Variants in ATP8B4 observed in about 807,000 individuals in gnomAD.
ATP8B4 encodes probable phospholipid-transporting ATPase IM.
A neutral mutation model predicts 145.6 loss-of-function variants in ATP8B4; 133 were observed. The observed-to-expected ratio is 0.91, with a 90% CI of 0.79 to 1.05. The LOEUF is 1.05. Among genes scored for constraint, ATP8B4 ranks in the 50% least tolerant of loss-of-function variants. The pLI is 0.00. For synonymous variants in ATP8B4, 507 were observed against 492.9 expected (o/e 1.03, Z -0.38); for missense variants, 1,458 against 1,425.2 (o/e 1.02, Z -0.37).
intron 3 of ATP8B4, among the ~76,000 whole-genome samples, chr15:50,073,320 G>C (rs2053973165): frequency 1.3e-5 from 2 of 152,074 alleles, no homozygotes; most frequent in Middle Eastern, 3.4e-3. Flanking sequence ...CCACTTAAGA[G>C]TGACAACATG....
chr15:50,002,742 T>C (rs1439594205), intron 7 of ATP8B4, among the ~76,000 whole-genome samples: 1 of 151,510 alleles, frequency 6.6e-6, no homozygotes, highest in African/African-American at 2.4e-5. Context: ...AAGTAAAAGA[T>C]GGTAGGGAGT....
At chr15:50,042,218 G>A (rs1045971260) in intron 5 of ATP8B4, among the ~76,000 whole-genome samples, 1 of 151,584 alleles carries the variant, frequency 6.6e-6, no homozygotes, top group African/African-American at 2.4e-5. Context: ...CATGAAATAG[G>A]CTAGAAATTT....
chr15:50,094,764 CCTGA>C (rs1567350223), intron 2 of ATP8B4, among the ~76,000 whole-genome samples: 1 of 147,858 alleles, frequency 6.8e-6, no homozygotes, highest in Admixed American at 6.7e-5. Context: ...ACTAGAGAAT[CCTGA>C]CTAATTCAAT....
At position 49,872,666 on chromosome 15, in the gene ATP8B4, C is replaced by T. The variant is rs565277356; in HGVS notation, c.3027+3612G>A. On this transcript the variant is annotated intron_variant, in intron 25 of 27. Transcript: ENST00000284509. ...AAAACCCAAACTGAAAAACATTCTA[C>T]AAAATACCTGGTGACCAGTCTTCAA... is the stretch of plus-strand genomic sequence containing the variant. Among the ~76,000 whole-genome samples, 9 of 152,228 alleles carry T rather than the reference C, an allele frequency of 5.9e-5. 1 individual carries two copies. In the South Asian group the frequency reaches 1.9e-3, roughly 32 times the overall value.
chr15:49,981,301 A>T lies in ATP8B4; in HGVS notation c.749-7T>A. On this transcript the variant is annotated splice_polypyrimidine_tract_variant and splice_region_variant and intron_variant, in intron 10 of 27. Transcript: ENST00000284509. ...ATTAGTTTAGTGTCAGGACCTGCAA[A>T]AACAAAAAAAAGTAAATAACTTTGA... 6.3e-7 allele frequency: 1 copy of T among 1,585,050 alleles called. No homozygotes were observed. The highest frequency in any genetic ancestry group is 8.6e-7 in the Non-Finnish European group (1 of 1,161,920).
intron 20 of ATP8B4, among the ~76,000 whole-genome samples, chr15:49,909,971 A>G (rs544982388): frequency 6.6e-6 from 1 of 152,302 alleles, no homozygotes; most frequent in South Asian, 2.1e-4. Context: ...AAGGAACACC[A>G]TAATTCTCCA....
intron 3 of ATP8B4, among the ~76,000 whole-genome samples, chr15:50,063,429 T>C (rs41362745): frequency 0.019 from 2,880 of 151,990 alleles, 85 homozygotes; most frequent in African/African-American, 0.067. Flanking sequence ...TGTTTAACTA[T>C]CAATGACAAT....
rs570588187 is a variant in ATP8B4 at position 50,173,138 on chromosome 15, G to A, written c.-43+9123C>T. On this transcript the variant is annotated intron_variant, in intron 1 of 3. Coordinates refer to the ATP8B4 transcript ENST00000558829. ...AGGTGGGGGGCGCCTCTGCCCGGCC[G>A]CCCCGTCTGGGAAGTGAGGAGCCCC... Among the ~76,000 whole-genome samples the A allele has an allele frequency of 9.0e-3, 1,347 of 150,136 alleles. 9 individuals carry two copies. Among genetic ancestry groups the A allele is most frequent in the African/African-American group, 9.3e-3 (381 of 40,858 alleles).
chr15:49,932,258 G>T (rs933090625), intron 15 of ATP8B4, among the ~76,000 whole-genome samples: 1 of 151,756 alleles, frequency 6.6e-6, no homozygotes, highest in Non-Finnish European at 1.5e-5. Context: ...TTGAATATAT[G>T]TATATATTTA....
chr15:50,085,881 A>T (rs1351277398), intron 2 of ATP8B4, among the ~76,000 whole-genome samples: 24 of 88,228 alleles, frequency 2.7e-4, no homozygotes, highest in Non-Finnish European at 5.8e-4. Flanking sequence ...ATATATTTAT[A>T]TATTTATATA....
At chr15:49,946,637 C>T (rs1222628927) in intron 14 of ATP8B4, among the ~76,000 whole-genome samples, 1 of 151,988 alleles carries the variant, frequency 6.6e-6, no homozygotes, top group Non-Finnish European at 1.5e-5. Flanking sequence ...CCTGACTCTT[C>T]CTTCCTGTTT....
intron 1 of ATP8B4, among the ~76,000 whole-genome samples, chr15:50,134,161 AG>A (rs1460645676): frequency 6.6e-6 from 1 of 152,156 alleles, no homozygotes; most frequent in Non-Finnish European, 1.5e-5. Flanking sequence ...TTAATATGTA[AG>A]AATGATAGAC....
At chr15:50,160,101 G>C (rs967044831) in intron 1 of ATP8B4, among the ~76,000 whole-genome samples, 1 of 122,336 alleles carries the variant, frequency 8.2e-6, no homozygotes, top group Non-Finnish European at 1.7e-5. Flanking sequence ...TCAGGTTTTG[G>C]ATTTCTGCAT....
chr15:50,168,062 G>A (rs1210091923), intron 1 of ATP8B4, among the ~76,000 whole-genome samples: 1 of 151,958 alleles, frequency 6.6e-6, no homozygotes, highest in African/African-American at 2.4e-5. Flanking sequence ...TGAAGTAGAA[G>A]ACATAATGCT....
intron 1 of ATP8B4, among the ~76,000 whole-genome samples, chr15:50,172,905 G>A (rs1322891278): frequency 8.0e-5 from 12 of 150,802 alleles, no homozygotes; most frequent in Non-Finnish European, 1.5e-4. Context: ...CCCTCCGTCC[G>A]GCAGCCGCCC....
chr15:50,081,271 T>C (rs1217203108), intron 2 of ATP8B4, among the ~76,000 whole-genome samples: 2 of 152,184 alleles, frequency 1.3e-5, no homozygotes, highest in Admixed American at 6.5e-5. Flanking sequence ...CACTGTGTGT[T>C]ATAATCATTT....
intron 13 of ATP8B4, among the ~76,000 whole-genome samples, chr15:49,968,425 G>A (rs1168162479): frequency 6.6e-6 from 1 of 151,896 alleles, no homozygotes; most frequent in Non-Finnish European, 1.5e-5. Flanking sequence ...AGGGATGGAG[G>A]AATATTTACC....
intron 23 of ATP8B4, 175 bp downstream of exon 23, chr15:49,897,117 T>C: frequency 1.7e-6 from 1 of 603,642 alleles, no homozygotes; most frequent in South Asian, 2.5e-5. Flanking sequence ...TACATATTCT[T>C]CTTGGGTACA....
chr15:49,887,936 T>A (rs945140611), intron 23 of ATP8B4, among the ~76,000 whole-genome samples: 1 of 152,260 alleles, frequency 6.6e-6, no homozygotes, highest in Non-Finnish European at 1.5e-5. Flanking sequence ...GCTCGACCAC[T>A]GGCTGAGCTC....
Sources: allele counts gnomAD v4.1 joint callset (sites outside exome capture counted in the v4.1 genomes callset), GRCh38; gene constraint gnomAD v4.1.1; transcripts MANE v1.5; gene names NCBI Gene and HGNC (gene_info 2026-07-23, HGNC 2026-07-21).